Variants in JADE1 observed in about 807,000 individuals in gnomAD.
JADE1 encodes the protein protein Jade-1.
JADE1 carries 14 observed loss-of-function variants against 81.8 expected under a neutral mutation model. That is an observed-to-expected ratio of 0.17 (90% CI 0.11 to 0.27). The LOEUF (loss-of-function observed/expected upper bound fraction) is 0.27. Ranked by LOEUF, JADE1 falls within the 10% of genes least tolerant of loss-of-function variation. The probability of loss-of-function intolerance (pLI) is 1.00; values close to 1 mark genes in which losing one functional copy is unlikely to be tolerated. For missense variants in JADE1, 690 were observed against 1,047.9 expected (o/e 0.66, Z 4.71); for synonymous variants, 353 against 391.9 (o/e 0.90, Z 1.17).
intron 6 of JADE1, 145 bp from the exon 7 acceptor site, chr4:128,855,485 C>T (rs535074621): frequency 1.2e-5 from 10 of 827,076 alleles, no homozygotes; most frequent in East Asian, 1.1e-4. Flanking sequence ...GGGAGACGGT[C>T]GTAGCCAGGA....
intron 6 of JADE1, among the ~76,000 whole-genome samples, 154 bp from the exon 7 acceptor site, chr4:128,855,476 G>A (rs1225139951): frequency 6.6e-6 from 1 of 152,220 alleles, no homozygotes; most frequent in Non-Finnish European, 1.5e-5. Flanking sequence ...TTTCCCGAGG[G>A]GAGACGGTCG....
chr4:128,819,597 C>A (rs182739847), intron 1 of JADE1, among the ~76,000 whole-genome samples: 1 of 152,176 alleles, frequency 6.6e-6, no homozygotes, highest in Admixed American at 6.5e-5. Context: ...CCTACCACTC[C>A]GGGAGAACTC....
At chr4:128,863,036 A>G in intron 9 of JADE1, 9 of 985,316 alleles carry the variant, frequency 9.1e-6, no homozygotes, top group Non-Finnish European at 9.6e-6. Context: ...CACGCTACAG[A>G]TGTGTTGTTT....
At chr4:128,861,645 C>G (rs1731340861) in intron 8 of JADE1, 59 bp from the exon 9 acceptor site, 2 of 1,564,566 alleles carry the variant, frequency 1.3e-6, no homozygotes, top group Non-Finnish European at 1.7e-6. Context: ...CACTGCAGGC[C>G]TTCTGCCATC....
chr4:128,857,082 G>T (rs546257677), intron 7 of JADE1, among the ~76,000 whole-genome samples: 4 of 152,110 alleles, frequency 2.6e-5, no homozygotes, highest in Non-Finnish European at 5.9e-5. Context: ...CAGACGCTCC[G>T]GTGAGAAGTG....
intron 2 of JADE1, among the ~76,000 whole-genome samples, chr4:128,839,463 T>C (rs768774823): frequency 1.8e-4 from 27 of 152,238 alleles, no homozygotes; most frequent in Non-Finnish European, 3.2e-4. Flanking sequence ...TGACATACAG[T>C]GAGCCTCTGA....
At chr4:128,857,077 G>A (rs62317924) in intron 7 of JADE1, among the ~76,000 whole-genome samples, 6,472 of 152,206 alleles carry the variant, frequency 0.043, 226 homozygotes, top group Non-Finnish European at 0.066. Context: ...GTCATCAGAC[G>A]CTCCGGTGAG....
chr4:128,872,238 C>T lies in JADE1; in HGVS notation c.2505C>T (p.Ile835=). 6.2e-7 allele frequency: 1 copy of T among 1,613,666 alleles called. No homozygotes were observed. Among genetic ancestry groups the T allele is most frequent in the Non-Finnish European group, 8.5e-7 (1 of 1,179,598 alleles). ...SSTISRRTDI[I]RRSILAS is the part of the protein sequence containing the mutation. ...CTATCAGCAGAAGGACAGACATTAT[C>T]AGGAGAAGCATCTTGGCTTCTTGAT... The change falls in exon 11 of 11, where the codon ATC becomes ATT. Residue 835 remains isoleucine, a synonymous_variant. Transcript: ENST00000226319.
At chr4:128,810,120 C>T (rs903132455) in intron 1 of JADE1, 2 of 152,606 alleles carry the variant, frequency 1.3e-5, no homozygotes, top group Non-Finnish European at 1.5e-5. Flanking sequence ...TATAATACGT[C>T]ATTAATATGG....
At chr4:128,835,373 A>G (rs1471339215) in intron 2 of JADE1, among the ~76,000 whole-genome samples, 4 of 152,218 alleles carry the variant, frequency 2.6e-5, no homozygotes, top group Non-Finnish European at 4.4e-5. Context: ...GCTTATAAAA[A>G]GATGCACATA....
In JADE1 at chr4:128,862,134, A is replaced by G; in HGVS notation, c.1412A>G (p.Lys471Arg). 6.2e-7 allele frequency: 1 copy of G among 1,614,196 alleles called. No individual in the cohort carries two copies. Among genetic ancestry groups the G allele is most frequent in the South Asian group, 1.1e-5 (1 of 91,082 alleles). Residue 471 changes from lysine (K) to arginine (R), a missense_variant, in exon 9 of 11, where the codon AAA becomes AGA. Lys to Arg is a conservative substitution (Grantham distance 26). Transcript: ENST00000226319. ...NFNKPLITPKKDEEDNLAKRE... is the reference protein window; with the variant it reads ...NFNKPLITPKRDEEDNLAKRE... ...AACAAGCCCCTGATCACCCCAAAGA[A>G]AGATGAAGAGGACAATCTAGCCAAG...
At chr4:128,863,427 G>GA (rs1731531515) in intron 9 of JADE1, 1 of 984,634 alleles carries the variant, frequency 1.0e-6, no homozygotes, top group East Asian at 1.1e-4. Context: ...AAAGACCTGG[G>GA]AAACACTGGA....
chr4:128,853,720 A>G (rs1454028909), intron 6 of JADE1, among the ~76,000 whole-genome samples: 1 of 152,340 alleles, frequency 6.6e-6, no homozygotes, highest in African/African-American at 2.4e-5. Flanking sequence ...AAAGACTTGT[A>G]TGGAATAGGT....
chr4:128,824,214 C>A (rs182166528), intron 1 of JADE1, among the ~76,000 whole-genome samples: 25 of 152,064 alleles, frequency 1.6e-4, no homozygotes, highest in Non-Finnish European at 3.2e-4. Context: ...GTCAGGAGAT[C>A]GAGACCATCC....
intron 4 of JADE1, among the ~76,000 whole-genome samples, chr4:128,847,282 C>T (rs1579184428): frequency 6.6e-6 from 1 of 152,358 alleles, no homozygotes; most frequent in Non-Finnish European, 1.5e-5. Context: ...CAGTTGGCTG[C>T]TGCTTTGCGA....
intron 1 of JADE1, among the ~76,000 whole-genome samples, chr4:128,825,831 T>A (rs1359465002): frequency 3.3e-5 from 5 of 152,170 alleles, no homozygotes; most frequent in African/African-American, 1.2e-4. Context: ...ATAATCTAAA[T>A]AGGGGTTTGG....
chr4:128,810,747 G>T (rs1365129375), intron 1 of JADE1, among the ~76,000 whole-genome samples: 3 of 135,146 alleles, frequency 2.2e-5, no homozygotes, highest in Non-Finnish European at 1.6e-5. Context: ...GTGGGGGTGG[G>T]GGTGGAGGGA....
chr4:128,859,374 T>C (rs1483764058), intron 8 of JADE1, among the ~76,000 whole-genome samples: 1 of 152,038 alleles, frequency 6.6e-6, no homozygotes, highest in African/African-American at 2.4e-5. Flanking sequence ...TGTGAATGTG[T>C]ATGTGTGTGA....
intron 1 of JADE1, among the ~76,000 whole-genome samples, chr4:128,812,155 C>G (rs1260644404): frequency 6.6e-6 from 1 of 151,576 alleles, no homozygotes; most frequent in Non-Finnish European, 1.5e-5. Context: ...ATGGAGAGGG[C>G]GGCGGCGGCG....
Sources: gnomAD v4.1 joint callset for allele counts (sites outside exome capture counted in the v4.1 genomes callset) on GRCh38, gnomAD v4.1.1 for gene constraint, MANE v1.5 for transcripts, NCBI Gene and HGNC (gene_info 2026-07-23, HGNC 2026-07-21) for gene names.